Variants in XPNPEP3 observed in about 807,000 individuals in gnomAD.
XPNPEP3 encodes the protein X-prolyl aminopeptidase 3, also known as xaa-Pro aminopeptidase 3.
A neutral mutation model predicts 60.0 loss-of-function variants in XPNPEP3; 41 were observed. The ratio of observed to expected loss-of-function variants is 0.68; its 90% CI spans 0.53 to 0.89. The LOEUF (loss-of-function observed/expected upper bound fraction) is 0.89, where lower values mean the gene tolerates loss of function less well. Among genes scored for constraint, XPNPEP3 ranks in the 40% least tolerant of loss-of-function variants. XPNPEP3 has a pLI of 0.00. For missense variants in XPNPEP3, 598 were observed against 638.9 expected (o/e 0.94, Z 0.69); for synonymous variants, 212 against 223.2 (o/e 0.95, Z 0.45).
At chr22:40,924,627 A>C in intron 9 of XPNPEP3, 145 bp downstream of exon 9, 1 of 1,217,322 alleles carries the variant, frequency 8.2e-7, no homozygotes, top group South Asian at 1.3e-5. Flanking sequence ...AGGTTCAGCA[A>C]TTCTCCTGCC....
intron 1 of XPNPEP3, among the ~76,000 whole-genome samples, chr22:40,863,381 T>C (rs1277010482): frequency 6.6e-6 from 1 of 152,232 alleles, no homozygotes; most frequent in African/African-American, 2.4e-5. Context: ...GAAAATTCCC[T>C]GTAATCTTTG....
chr22:40,862,694 A>T (rs1021919373), intron 1 of XPNPEP3: 70 of 985,350 alleles, frequency 7.1e-5, no homozygotes, highest in Non-Finnish European at 7.3e-5. Context: ...GTCATTTGAG[A>T]TTATAGTATC....
Position 40,927,382 on chromosome 22 carries a change from G to A in XPNPEP3, c.*947G>A, listed in dbSNP as rs935317074. 2 of 152,300 alleles carry A rather than the reference G, an allele frequency of 1.3e-5. No individual in the cohort carries two copies. Among genetic ancestry groups the A allele is most frequent in the Admixed American group, 6.5e-5 (1 of 15,270 alleles). 9.4% of individuals were successfully genotyped at this position (152,300 alleles called of 1,614,324 possible). On this transcript the variant is annotated 3_prime_UTR_variant, in exon 10 of 10. Coordinates refer to ENST00000357137, the MANE Select transcript of XPNPEP3 (RefSeq NM_022098.4). Reference sequence around the variant, plus strand: ...CTGGCTACTTGGGAGGCTGAGGCATGAGAATTGCTTGAACCTGGGAGGTGG... The same window carrying A: ...CTGGCTACTTGGGAGGCTGAGGCATAAGAATTGCTTGAACCTGGGAGGTGG...
intron 4 of XPNPEP3, among the ~76,000 whole-genome samples, chr22:40,888,077 A>G (rs992119769): frequency 6.6e-6 from 1 of 152,154 alleles, no homozygotes; most frequent in Non-Finnish European, 1.5e-5. Context: ...AACTGTACAG[A>G]TAAATAATAA....
intron 7 of XPNPEP3, among the ~76,000 whole-genome samples, chr22:40,914,843 C>G (rs996817867): frequency 3.3e-5 from 5 of 151,770 alleles, no homozygotes; most frequent in African/African-American, 9.7e-5. Context: ...AAAATCTGGA[C>G]AAAATATTAA....
rs1162641525 is a variant in XPNPEP3, at chr22:40,924,712, G to A, written c.1357+230G>A. On this transcript the variant is annotated intron_variant, in intron 9 of 9. Coordinates refer to ENST00000357137, the MANE Select transcript of XPNPEP3 (RefSeq NM_022098.4). ...TAATTTTTATATTTTTAGTAGAGAC[G>A]GGGTTTCGCCATGTTGGCCAGGCTG... 3.9e-5 allele frequency among the ~76,000 whole-genome samples: 6 copies of A among 152,072 alleles called. No individual in the cohort carries two copies. In the South Asian group the frequency reaches 6.2e-4, roughly 16 times the overall value.
intron 4 of XPNPEP3, among the ~76,000 whole-genome samples, chr22:40,902,813 T>C (rs1348415563): frequency 1.3e-5 from 2 of 152,332 alleles, no homozygotes; most frequent in East Asian, 3.9e-4. Flanking sequence ...GTTAAAGATA[T>C]GTATCACAGC....
intron 2 of XPNPEP3, among the ~76,000 whole-genome samples, chr22:40,872,044 C>T (rs995770365): frequency 6.6e-6 from 1 of 151,994 alleles, no homozygotes; most frequent in Non-Finnish European, 1.5e-5. Context: ...AAAACAAAAA[C>T]AAAAGTGAAA....
chr22:40,880,700 C>T (rs939441954), intron 2 of XPNPEP3, among the ~76,000 whole-genome samples: 3 of 151,392 alleles, frequency 2.0e-5, no homozygotes, highest in Non-Finnish European at 2.9e-5. Flanking sequence ...CGATGGCTTA[C>T]ACCTGTAACC....
chr22:40,880,624 C>T (rs2058043676), intron 2 of XPNPEP3, among the ~76,000 whole-genome samples: 1 of 151,602 alleles, frequency 6.6e-6, no homozygotes, highest in Admixed American at 6.6e-5. Flanking sequence ...TTATCTACAA[C>T]TGTACAGTGT....
At chr22:40,868,086 ATG>A (rs1265630655) in intron 1 of XPNPEP3, among the ~76,000 whole-genome samples, 2 of 152,150 alleles carry the variant, frequency 1.3e-5, no homozygotes, top group African/African-American at 4.8e-5. Flanking sequence ...CTTGTCATTC[ATG>A]TGTCTTTCTT....
At position 40,928,531 on chromosome 22, in the gene XPNPEP3, A is replaced by G. The variant is rs1440176362; in HGVS notation, c.*2096A>G. The G allele has an allele frequency of 2.6e-5, 4 of 152,050 alleles. No individual in the cohort carries two copies. Among genetic ancestry groups the G allele is most frequent in the African/African-American group, 9.7e-5 (4 of 41,412 alleles). 9.4% of individuals were successfully genotyped at this position (152,050 alleles called of 1,614,324 possible). On this transcript the variant is annotated 3_prime_UTR_variant, in exon 10 of 10. Coordinates refer to ENST00000357137, the MANE Select transcript of XPNPEP3 (RefSeq NM_022098.4). Reference sequence around the variant, plus strand: ...GTAAGAGTCATATTTTTTTAAACACAAACATTGGATACAATTATACAGCAA... The same window carrying G: ...GTAAGAGTCATATTTTTTTAAACACGAACATTGGATACAATTATACAGCAA...
At chr22:40,892,333 C>T (rs747603811) in intron 4 of XPNPEP3, among the ~76,000 whole-genome samples, 1 of 152,120 alleles carries the variant, frequency 6.6e-6, no homozygotes, top group Non-Finnish European at 1.5e-5. Context: ...TACAGGCGTG[C>T]ACTACCAGGC....
At chr22:40,895,269 T>A (rs1289968088) in intron 4 of XPNPEP3, among the ~76,000 whole-genome samples, 1 of 152,212 alleles carries the variant, frequency 6.6e-6, no homozygotes, top group Non-Finnish European at 1.5e-5. Context: ...TGACAGAACT[T>A]CTTTGGACAT....
intron 1 of XPNPEP3, chr22:40,862,066 G>T: frequency 4.6e-6 from 7 of 1,524,106 alleles, no homozygotes; most frequent in Non-Finnish European, 6.1e-6. Context: ...AGGCTCTGCT[G>T]GTGGTGGTGA....
chr22:40,886,274 GT>G (rs764643324), intron 3 of XPNPEP3, 38 bp from the exon 4 acceptor site: 2 of 1,593,040 alleles, frequency 1.3e-6, no homozygotes, highest in South Asian at 2.2e-5. Flanking sequence ...GTTGCTGGTA[GT>G]TTTGTTTTAA....
chr22:40,887,635 CAT>C (rs2058074414), intron 4 of XPNPEP3, among the ~76,000 whole-genome samples: 1 of 152,094 alleles, frequency 6.6e-6, no homozygotes, highest in East Asian at 1.9e-4. Context: ...CTCCTAAAGA[CAT>C]AGAGATTAGA....
At chr22:40,861,636 A>T in intron 1 of XPNPEP3, 2 of 1,613,762 alleles carry the variant, frequency 1.2e-6, no homozygotes, top group Middle Eastern at 1.7e-4. Context: ...TGGACGATTT[A>T]ACAGGTCCTC....
At chr22:40,866,542 C>T (rs1020881871) in intron 1 of XPNPEP3, among the ~76,000 whole-genome samples, 23 of 152,108 alleles carry the variant, frequency 1.5e-4, no homozygotes, top group South Asian at 2.1e-4. Flanking sequence ...AATGATTTAG[C>T]CGGGGTTCTT....
Sources: allele counts gnomAD v4.1 joint callset (sites outside exome capture counted in the v4.1 genomes callset), GRCh38; gene constraint gnomAD v4.1.1; transcripts MANE v1.5; gene names NCBI Gene and HGNC (gene_info 2026-07-23, HGNC 2026-07-21).